MIPOL1: variants seen among roughly 807,000 people sequenced by gnomAD.
MIPOL1 encodes the protein mirror-image polydactyly 1, also known as mirror-image polydactyly gene 1 protein.
Under a neutral mutation model 60.9 loss-of-function variants are expected in MIPOL1, and 57 were observed. That is an observed-to-expected ratio of 0.94 (90% CI 0.76 to 1.17). MIPOL1 has a LOEUF of 1.17. Among genes scored for constraint, MIPOL1 ranks in the 50% most tolerant of loss-of-function variants. The pLI, the probability that MIPOL1 is intolerant of heterozygous loss-of-function variation, is 0.00. For missense variants in MIPOL1, 551 were observed against 511.6 expected, an observed-to-expected ratio of 1.08 and a Z score of -0.74; for synonymous variants, 179 against 168.8, an observed-to-expected ratio of 1.06 and a Z score of -0.47.
intron 11 of MIPOL1, among the ~76,000 whole-genome samples, chr14:37,493,768 G>C (rs890270669): frequency 7.9e-5 from 12 of 152,214 alleles, no homozygotes; most frequent in African/African-American, 2.9e-4. Context: ...AACAGAAATA[G>C]TTAACATCCT....
At chr14:37,457,995 A>G (rs1297726112) in intron 11 of MIPOL1, among the ~76,000 whole-genome samples, 1 of 152,118 alleles carries the variant, frequency 6.6e-6, no homozygotes, top group Non-Finnish European at 1.5e-5. Flanking sequence ...AAAAAGATAT[A>G]CCATACAGAT....
intron 10 of MIPOL1, among the ~76,000 whole-genome samples, chr14:37,420,982 A>G (rs1472002127): frequency 3.9e-5 from 6 of 152,146 alleles, no homozygotes; most frequent in African/African-American, 1.4e-4. Flanking sequence ...CATAATCACT[A>G]GGGCCTAGGA....
At chr14:37,417,160 G>A (rs1460771817) in intron 10 of MIPOL1, among the ~76,000 whole-genome samples, 1 of 152,086 alleles carries the variant, frequency 6.6e-6, no homozygotes, top group African/African-American at 2.4e-5. Context: ...CATAGACTAT[G>A]CTTTTAATCA....
chr14:37,219,752 G>C (rs1213955631), intron 1 of MIPOL1: 2 of 152,184 alleles, frequency 1.3e-5, no homozygotes, highest in Non-Finnish European at 2.9e-5. Flanking sequence ...ACTGAGAGAG[G>C]TGTGATGAAA....
chr14:37,254,863 A>G (rs538162047), intron 3 of MIPOL1, among the ~76,000 whole-genome samples: 8 of 151,840 alleles, frequency 5.3e-5, no homozygotes, highest in Middle Eastern at 6.8e-3. Flanking sequence ...CCCCGTTTCT[A>G]TTCTGTTGGT....
chr14:37,332,653 A>G (rs958487203), intron 9 of MIPOL1, among the ~76,000 whole-genome samples: 1 of 151,878 alleles, frequency 6.6e-6, no homozygotes, highest in Non-Finnish European at 1.5e-5. Context: ...TCAGTGCCAT[A>G]AATTTACATC....
chr14:37,461,343 T>G (rs1566646627), intron 11 of MIPOL1, among the ~76,000 whole-genome samples: 1 of 152,116 alleles, frequency 6.6e-6, no homozygotes, highest in Non-Finnish European at 1.5e-5. Flanking sequence ...ACTCTCATTT[T>G]TAAAACCATC....
At chr14:37,316,805 T>C (rs978848864) in intron 9 of MIPOL1, among the ~76,000 whole-genome samples, 5 of 151,886 alleles carry the variant, frequency 3.3e-5, no homozygotes, top group African/African-American at 1.2e-4. Context: ...GGTGAAACCT[T>C]GTCTCTACTA....
At chr14:37,340,272 A>G (rs554763010) in intron 9 of MIPOL1, among the ~76,000 whole-genome samples, 1 of 152,232 alleles carries the variant, frequency 6.6e-6, no homozygotes, top group Admixed American at 6.5e-5. Flanking sequence ...TAGCAAAAAT[A>G]AAAATTTGAA....
intron 6 of MIPOL1, among the ~76,000 whole-genome samples, chr14:37,284,125 G>T (rs899535098): frequency 6.6e-6 from 1 of 152,024 alleles, no homozygotes; most frequent in African/African-American, 2.4e-5. Flanking sequence ...CTGATATAGT[G>T]CTGCAAAAAT....
intron 12 of MIPOL1, chr14:37,501,990 C>T (rs1304699769): frequency 1.3e-5 from 2 of 152,260 alleles, no homozygotes; most frequent in Non-Finnish European, 2.9e-5. Context: ...GAGCATGGCT[C>T]ACTGCTAGCA....
intron 1 of MIPOL1, among the ~76,000 whole-genome samples, chr14:37,199,127 A>G (rs1208839130): frequency 6.6e-6 from 1 of 152,210 alleles, no homozygotes; most frequent in Non-Finnish European, 1.5e-5. Context: ...GTTAATATTT[A>G]AAGTATAAAG....
chr14:37,456,603 C>T (rs2153578746), intron 11 of MIPOL1, among the ~76,000 whole-genome samples: 1 of 152,194 alleles, frequency 6.6e-6, no homozygotes, highest in South Asian at 2.1e-4. Flanking sequence ...AAACATTACC[C>T]TGCTAAATTA....
intron 7 of MIPOL1, among the ~76,000 whole-genome samples, chr14:37,294,995 G>A (rs376466884): frequency 9.2e-5 from 14 of 152,132 alleles, no homozygotes; most frequent in Middle Eastern, 3.4e-3. Flanking sequence ...TCCAAGACAC[G>A]TAATTGTCAG....
intron 11 of MIPOL1, among the ~76,000 whole-genome samples, chr14:37,493,145 A>T (rs915465737): frequency 6.6e-6 from 1 of 152,152 alleles, no homozygotes; most frequent in Non-Finnish European, 1.5e-5. Flanking sequence ...CTTGGCCAAT[A>T]CCTGATCATG....
chr14:37,489,236 C>T (rs557575077), intron 11 of MIPOL1, among the ~76,000 whole-genome samples: 6 of 152,206 alleles, frequency 3.9e-5, no homozygotes, highest in South Asian at 2.1e-4. Flanking sequence ...TCCTTTCTTC[C>T]GCTTGATCAA....
chr14:37,357,228 G>A (rs751913503), intron 9 of MIPOL1, among the ~76,000 whole-genome samples: 9 of 152,164 alleles, frequency 5.9e-5, no homozygotes, highest in Non-Finnish European at 1.2e-4. Flanking sequence ...CTCACCAACA[G>A]ATGGGCAGTT....
chr14:37,302,257 C>CTTTTTTTTT (rs1470169246), intron 7 of MIPOL1, among the ~76,000 whole-genome samples: 1 of 103,442 alleles, frequency 9.7e-6, no homozygotes, highest in African/African-American at 3.8e-5. Flanking sequence ...GCATTTGGAA[C>CTTTTTTTTT]TGTTGTTTTT....
rs1594818407 is a variant in MIPOL1, at chr14:37,268,650, T to C, written c.252-8T>C. On this transcript the variant is annotated splice_polypyrimidine_tract_variant and splice_region_variant and intron_variant, in intron 4 of 12. Coordinates refer to ENST00000684589, the MANE Select transcript of MIPOL1 (RefSeq NM_001388067.1). ...ACTCTGAAATGTTAATCAGTTTCTTTATTACAGCGTTATGGAACATAGACA... is the reference window on the plus strand; with the variant it reads ...ACTCTGAAATGTTAATCAGTTTCTTCATTACAGCGTTATGGAACATAGACA... The C allele has an allele frequency of 1.9e-6, 3 of 1,566,830 alleles. No homozygotes were observed. The highest frequency in any genetic ancestry group is 1.2e-5 in the South Asian group (1 of 82,914).
Sources: gnomAD v4.1 joint callset for allele counts (sites outside exome capture counted in the v4.1 genomes callset) on GRCh38, gnomAD v4.1.1 for gene constraint, MANE v1.5 for transcripts, NCBI Gene and HGNC (gene_info 2026-07-23, HGNC 2026-07-21) for gene names.